The following DYNC1I1 variants were observed in gnomAD, a reference collection of about 807,000 sequenced individuals.
The protein encoded by DYNC1I1 is cytoplasmic dynein 1 intermediate chain 1.
A neutral mutation model predicts 86.6 loss-of-function variants in DYNC1I1; 43 were observed. The ratio of observed to expected loss-of-function variants is 0.50; its 90% CI spans 0.39 to 0.64. The LOEUF (loss-of-function observed/expected upper bound fraction) is 0.64, where lower values mean the gene tolerates loss of function less well. Ranked by LOEUF, DYNC1I1 falls within the 30% of genes least tolerant of loss-of-function variation. The pLI is 0.00. For synonymous variants in DYNC1I1, 262 were observed against 283.7 expected (o/e 0.92, Z 0.77); for missense variants, 604 against 788.8 (o/e 0.77, Z 2.81).
At position 95,827,886 on chromosome 7, in the gene DYNC1I1, C is replaced by T. The variant is rs41278815; in HGVS notation, c.315-171C>T. Among the ~76,000 whole-genome samples, 15,102 of 151,904 alleles carry T rather than the reference C, an allele frequency of 0.099. 780 individuals are homozygous for T. The highest frequency in any genetic ancestry group is 0.14 in the South Asian group (652 of 4,814). ...ATGTTTGCAGGAAAGGATGGCTCCT[C>T]GATTTCTCTTGTTTGATAGTCACTG... On this transcript the variant is annotated intron_variant, in intron 4 of 16. Transcript: ENST00000447467.
rs1584261715 is a variant in DYNC1I1 at position 95,833,004 on chromosome 7, T to C, written c.374+4888T>C. Among the ~76,000 whole-genome samples, 11 of 150,560 alleles carry C rather than the reference T, an allele frequency of 7.3e-5. No homozygotes were observed. The South Asian group carries it at 2.1e-3, about 29-fold the overall frequency. ...TCCCATTTGTCAATTTTGGCTTTTG[T>C]TGCCATTGCTTTTGGTGTTTTAGAC... On this transcript the variant is annotated intron_variant, in intron 5 of 16. Transcript: ENST00000447467.
Position 96,039,397 on chromosome 7 carries a change from G to A in DYNC1I1, c.1485G>A (p.Trp495Ter), listed in dbSNP as rs1562981587. ...SHLFVTSSFD[W>*]TVKLWTTKHN... ...TGTTTGTCACATCATCATTTGACTGGACTGTCAAACTGTGGACCACCAAGG... is the reference window on the plus strand; with the variant it reads ...TGTTTGTCACATCATCATTTGACTGAACTGTCAAACTGTGGACCACCAAGG... Residue 495 changes from tryptophan (W) to a stop codon, truncating the protein, a stop_gained, in exon 14 of 17, where the codon TGG (tryptophan) becomes TGA (stop). Transcript: ENST00000447467. LOFTEE classifies it high-confidence loss of function. The A allele has an allele frequency of 6.2e-7, 1 of 1,613,998 alleles. No individual in the cohort carries two copies. The highest frequency in any genetic ancestry group is 8.5e-7 in the Non-Finnish European group (1 of 1,179,944).
chr7:96,088,344 T>C (rs910341368), intron 16 of DYNC1I1, among the ~76,000 whole-genome samples: 39 of 152,178 alleles, frequency 2.6e-4, no homozygotes, highest in Admixed American at 2.6e-3. Context: ...ATGAAGTTCA[T>C]ATATTCTCAT....
chr7:96,047,387 T>C (rs964006429), intron 14 of DYNC1I1, among the ~76,000 whole-genome samples: 3 of 152,174 alleles, frequency 2.0e-5, no homozygotes, highest in Non-Finnish European at 2.9e-5. Context: ...AACATTATAA[T>C]AGAACATGAA....
chr7:96,032,909 A>T, intron 12 of DYNC1I1, 129 bp downstream of exon 12: 1 of 693,306 alleles, frequency 1.4e-6, no homozygotes, highest in Non-Finnish European at 2.4e-6. Context: ...CACTTGAAAG[A>T]GTGGGGCCTG....
chr7:95,843,702 G>GA (rs935688767), intron 5 of DYNC1I1, among the ~76,000 whole-genome samples: 29 of 150,130 alleles, frequency 1.9e-4, no homozygotes, highest in South Asian at 8.4e-4. Context: ...ATGGCTTTCA[G>GA]AAAAAAAAAT....
At position 95,931,776 on chromosome 7, in the gene DYNC1I1, C is replaced by T. The variant is rs571545029; in HGVS notation, c.491-45736C>T. Among the ~76,000 whole-genome samples, 31 of 152,278 alleles carry T rather than the reference C, an allele frequency of 2.0e-4. No individual in the cohort carries two copies. The South Asian group carries it at 5.4e-3, about 27-fold the overall frequency. The stretch of plus-strand genomic sequence containing the variant: ...AAAGCCTGAAATGTTTACTGACTAG[C>T]GCTTTACAGAAAAATTTTGTTGATC... On this transcript the variant is annotated intron_variant, in intron 6 of 16. Coordinates refer to ENST00000447467, the MANE Select transcript of DYNC1I1 (RefSeq NM_001135556.2).
intron 14 of DYNC1I1, among the ~76,000 whole-genome samples, chr7:96,071,529 C>T (rs1212282289): frequency 6.6e-6 from 1 of 152,188 alleles, no homozygotes; most frequent in Non-Finnish European, 1.5e-5. Context: ...ATTATAGTCC[C>T]TCACCCAGAG....
intron 16 of DYNC1I1, among the ~76,000 whole-genome samples, chr7:96,089,276 T>C (rs1790771129): frequency 6.6e-6 from 1 of 151,972 alleles, no homozygotes; most frequent in African/African-American, 2.4e-5. Flanking sequence ...CACAGAATTG[T>C]ACAAAAAGTG....
At chr7:96,070,375 T>C (rs766031174) in intron 14 of DYNC1I1, among the ~76,000 whole-genome samples, 1 of 152,204 alleles carries the variant, frequency 6.6e-6, no homozygotes, top group African/African-American at 2.4e-5. Context: ...TTAAAAGCGA[T>C]ATTGTGGTCT....
intron 6 of DYNC1I1, among the ~76,000 whole-genome samples, chr7:95,873,036 G>T (rs1429158617): frequency 6.6e-6 from 1 of 152,182 alleles, no homozygotes; most frequent in Non-Finnish European, 1.5e-5. Flanking sequence ...CCCCCTGGGG[G>T]AATGAGAATT....
At chr7:95,856,099 C>A (rs978937911) in intron 5 of DYNC1I1, among the ~76,000 whole-genome samples, 12 of 152,164 alleles carry the variant, frequency 7.9e-5, no homozygotes, top group African/African-American at 2.7e-4. Context: ...CATTCTACAG[C>A]AGTACAAAAA....
intron 14 of DYNC1I1, among the ~76,000 whole-genome samples, chr7:96,062,541 C>T (rs775025405): frequency 6.6e-6 from 1 of 151,742 alleles, no homozygotes; most frequent in Non-Finnish European, 1.5e-5. Flanking sequence ...ATAAGTTAGT[C>T]GCTTCGGCAA....
At chr7:95,841,404 C>T (rs1789276584) in intron 5 of DYNC1I1, among the ~76,000 whole-genome samples, 1 of 151,844 alleles carries the variant, frequency 6.6e-6, no homozygotes, top group African/African-American at 2.4e-5. Context: ...TGTAACCCCT[C>T]CCAGGGAGAA....
At chr7:95,777,059 G>C (rs1384389181) in intron 1 of DYNC1I1, among the ~76,000 whole-genome samples, 1 of 152,152 alleles carries the variant, frequency 6.6e-6, no homozygotes, top group African/African-American at 2.4e-5. Flanking sequence ...TAGTTTCTCT[G>C]CCTGTGTGGG....
At chr7:95,978,786 G>A (rs1793375736) in intron 7 of DYNC1I1, among the ~76,000 whole-genome samples, 2 of 150,608 alleles carry the variant, frequency 1.3e-5, no homozygotes, top group South Asian at 4.2e-4. Context: ...CATATCATAT[G>A]GAGTTAAATG....
intron 14 of DYNC1I1, among the ~76,000 whole-genome samples, chr7:96,072,399 A>G (rs943498775): frequency 2.0e-5 from 3 of 152,216 alleles, no homozygotes; most frequent in Non-Finnish European, 4.4e-5. Context: ...ACTGAACATG[A>G]CATAGAAAAG....
At chr7:96,103,882 G>A (rs566095514) in intron 16 of DYNC1I1, among the ~76,000 whole-genome samples, 2 of 152,304 alleles carry the variant, frequency 1.3e-5, no homozygotes, top group Admixed American at 1.3e-4. Context: ...AAAGTGCTGG[G>A]ATTACAGGCG....
chr7:95,845,994 A>C (rs1338364337), intron 5 of DYNC1I1, among the ~76,000 whole-genome samples: 2 of 152,158 alleles, frequency 1.3e-5, no homozygotes, highest in Non-Finnish European at 2.9e-5. Context: ...CAATTTCAGA[A>C]AGATGTAGGC....
Sources: allele counts gnomAD v4.1 joint callset (sites outside exome capture counted in the v4.1 genomes callset), GRCh38; gene constraint gnomAD v4.1.1; transcripts MANE v1.5; gene names NCBI Gene and HGNC (gene_info 2026-07-23, HGNC 2026-07-21).